CRX: variants seen among roughly 807,000 people sequenced by gnomAD.
The protein encoded by CRX is cone-rod homeobox, also known as cone-rod homeobox protein.
Under a neutral mutation model 13.1 loss-of-function variants are expected in CRX, and 5 were observed. The ratio of observed to expected loss-of-function variants is 0.38; its 90% CI spans 0.20 to 0.80. The LOEUF (loss-of-function observed/expected upper bound fraction) is 0.80, where lower values mean the gene tolerates loss of function less well. CRX is among the 30% of genes least tolerant of loss of function. The pLI is 0.43. For missense variants in CRX, 351 were observed against 391.8 expected, an observed-to-expected ratio of 0.90 and a Z score of 0.88; for synonymous variants, 179 against 171.1, an observed-to-expected ratio of 1.05 and a Z score of -0.36.
At chr19:47,834,020 A>T (rs1464700523) in intron 1 of CRX, among the ~76,000 whole-genome samples, 1 of 148,808 alleles carries the variant, frequency 6.7e-6, no homozygotes, top group Non-Finnish European at 1.5e-5. Context: ...TTTAAGAGAC[A>T]GGGTCTTGCT....
rs1464741171 is a variant in CRX at position 47,832,292 on chromosome 19, G to C, written c.-35-2117G>C. On this transcript the variant is annotated intron_variant, in intron 1 of 3. Coordinates refer to ENST00000221996, the MANE Select transcript of CRX (RefSeq NM_000554.6). ...GGCTAATTTTTGTATTTTCTGCAGA[G>C]ACGGGGTTTCACCATGTTGGCCAGG... 2.3e-5 allele frequency among the ~76,000 whole-genome samples: 3 copies of C among 133,258 alleles called. No homozygotes were observed. In the South Asian group the frequency reaches 6.8e-4, roughly 30 times the overall value. The allele number at this position is 133,258 out of a possible 152,430, so 87.4% of individuals were successfully genotyped here.
intron 2 of CRX, among the ~76,000 whole-genome samples, chr19:47,835,530 G>A (rs1363831781): frequency 6.1e-5 from 9 of 148,722 alleles, no homozygotes; most frequent in African/African-American, 1.5e-4. Context: ...GATTACAGGC[G>A]CACACCACCA....
chr19:47,831,435 C>G (rs775280953), intron 1 of CRX, among the ~76,000 whole-genome samples: 1 of 152,138 alleles, frequency 6.6e-6, no homozygotes, highest in African/African-American at 2.4e-5. Flanking sequence ...GCATTACTGC[C>G]TGAGCCCCGC....
chr19:47,827,342 G>A (rs1967985348), intron 1 of CRX, among the ~76,000 whole-genome samples: 1 of 151,596 alleles, frequency 6.6e-6, no homozygotes, highest in Non-Finnish European at 1.5e-5. Flanking sequence ...TGGAGACCCT[G>A]TCTTGCTCAG....
Position 47,840,085 on chromosome 19 carries a change from C to A in CRX, c.*118C>A, listed in dbSNP as rs543729483. On this transcript the variant is annotated 3_prime_UTR_variant, in exon 4 of 4. Coordinates refer to ENST00000221996, the MANE Select transcript of CRX (RefSeq NM_000554.6). ...TGAGAAAGCAACCCGAACCAGCTGT[C>A]CTTCTGACAGCTCGGTGTTCAGCTT... 820 of 1,211,318 alleles carry A rather than the reference C, an allele frequency of 6.8e-4. 6 individuals carry two copies. The highest frequency in any genetic ancestry group is 3.6e-3 in the South Asian group (284 of 78,508). 75.0% of individuals were successfully genotyped at this position (1,211,318 alleles called of 1,614,324 possible).
At chr19:47,834,214 A>T (rs1968088520) in intron 1 of CRX, among the ~76,000 whole-genome samples, 195 bp from the exon 2 acceptor site, 1 of 152,188 alleles carries the variant, frequency 6.6e-6, no homozygotes, top group African/African-American at 2.4e-5. Flanking sequence ...TGCTTTGCAG[A>T]GTCTCAAGAA....
intron 1 of CRX, among the ~76,000 whole-genome samples, chr19:47,832,302 C>T (rs1968061072): frequency 6.6e-6 from 1 of 150,718 alleles, no homozygotes; most frequent in African/African-American, 2.5e-5. Flanking sequence ...GACGGGGTTT[C>T]ACCATGTTGG....
rs183116235 is a variant in CRX, at chr19:47,834,696, G to C, written c.100+153G>C. On this transcript the variant is annotated intron_variant, in intron 2 of 3. Coordinates refer to ENST00000221996, the MANE Select transcript of CRX (RefSeq NM_000554.6). ...GTTCATCTGAAATGTATGTCACTTA[G>C]AAAAACATTAGCAGTCCTAGAAATT... 2.5e-3 allele frequency among the ~76,000 whole-genome samples: 384 copies of C among 152,330 alleles called. 1 individual carries two copies. The highest frequency in any genetic ancestry group is 4.6e-3 in the Non-Finnish European group (312 of 68,028).
chr19:47,839,364 G>A lies in CRX; in HGVS notation c.297G>A (p.Gln99=), dbSNP rs1433889196. ...GGGCTAAATGCAGGCAGCAGCGACA[G>A]CAGCAGAAACAGCAGCAGCAGCCCC... ...NRRAKCRQQR[Q]QQKQQQQPPG... Residue 99 remains glutamine, a synonymous_variant, in exon 4 of 4, where the codon CAG becomes CAA. Transcript: ENST00000221996. The surrounding 1 kb of genome is among the most constrained non-coding windows in gnomAD (Gnocchi z 4.6). The A allele has an allele frequency of 1.2e-6, 2 of 1,613,568 alleles. No individual in the cohort carries two copies. The highest frequency in any genetic ancestry group is 3.3e-5 in the Admixed American group (2 of 59,964).
At chr19:47,835,653 TG>T (rs1968109269) in intron 2 of CRX, among the ~76,000 whole-genome samples, 1 of 146,330 alleles carries the variant, frequency 6.8e-6, no homozygotes, top group African/African-American at 2.6e-5. Flanking sequence ...GACCGAGCCT[TG>T]TTCTGTTACC....
At position 47,834,436 on chromosome 19, in the gene CRX, C is replaced by G. The variant is rs371111993; in HGVS notation, c.-8C>G. ...CCCCTGACTTGGGCCTCAGTGTCCC[C>G]GAAGATCATGATGGCGTATATGAAC... On this transcript the variant is annotated 5_prime_UTR_variant, in exon 2 of 4. Transcript: ENST00000221996. The G allele has an allele frequency of 2.5e-6, 4 of 1,612,204 alleles. No individual in the cohort carries two copies. The highest frequency in any genetic ancestry group is 3.4e-6 in the Non-Finnish European group (4 of 1,178,288).
chr19:47,832,464 C>T (rs1968063921), intron 1 of CRX, among the ~76,000 whole-genome samples: 2 of 151,780 alleles, frequency 1.3e-5, no homozygotes, highest in African/African-American at 4.8e-5. Flanking sequence ...TATGTTGCCA[C>T]CTGAACATAA....
In CRX at chr19:47,839,393, G is replaced by C. The variant is rs1216141985; in HGVS notation, c.326G>C (p.Gly109Ala). Residue 109 changes from glycine to alanine, a missense_variant, in exon 4 of 4, where the codon GGG becomes GCG. Physicochemically the swap from Gly to Ala is moderately conservative, Grantham distance 60 (BLOSUM62 0). Around this residue, in one of 3 missense-constraint regions of CRX, gnomAD observed 253 missense variants for 268.3 expected, o/e 0.94. Coordinates refer to ENST00000221996, the MANE Select transcript of CRX (RefSeq NM_000554.6). This position sits in a 1 kb window ranked among gnomAD's most constrained non-coding sequence, Gnocchi z 4.6. ...QQQKQQQQPP[G>A]GQAKARPAKR... ...CAGAAACAGCAGCAGCAGCCCCCAG[G>C]GGGCCAGGCCAAGGCCCGGCCTGCC... 6.2e-7 allele frequency: 1 copy of C among 1,613,634 alleles called. No individual in the cohort carries two copies. Among genetic ancestry groups the C allele is most frequent in the African/African-American group, 1.3e-5 (1 of 75,000 alleles).
At chr19:47,825,765 C>CAAAAAAAAA (rs774130693) in intron 1 of CRX, among the ~76,000 whole-genome samples, 2 of 143,496 alleles carry the variant, frequency 1.4e-5, no homozygotes. Context: ...ACTAAAAATA[C>CAAAAAAAAA]AAAAAAAAAA....
At position 47,839,418 on chromosome 19, in the gene CRX, C is replaced by T; in HGVS notation, c.351C>T (p.Ala117=). The part of the protein sequence containing the change: ...PPGGQAKARP[A]KRKAGTSPRP... Reference sequence around the variant, plus strand: ...GGGGCCAGGCCAAGGCCCGGCCTGCCAAGAGGAAGGCGGGCACGTCCCCAA... The same window carrying T: ...GGGGCCAGGCCAAGGCCCGGCCTGCTAAGAGGAAGGCGGGCACGTCCCCAA... The change falls in exon 4 of 4, where the codon GCC becomes GCT. Residue 117 remains alanine, a synonymous_variant. Coordinates refer to ENST00000221996, the MANE Select transcript of CRX (RefSeq NM_000554.6). The surrounding 1 kb of genome is among the most constrained non-coding windows in gnomAD (Gnocchi z 4.6). The T allele has an allele frequency of 6.2e-7, 1 of 1,613,842 alleles. No individual in the cohort carries two copies. The highest frequency in any genetic ancestry group is 8.5e-7 in the Non-Finnish European group (1 of 1,179,864).
chr19:47,831,306 CAAAAAA>C (rs5828320), intron 1 of CRX, among the ~76,000 whole-genome samples: 1 of 78,576 alleles, frequency 1.3e-5, no homozygotes, highest in African/African-American at 4.7e-5. Flanking sequence ...GACTCTGTCT[CAAAAAA>C]AAAAAAAAAA....
chr19:47,833,997 CT>C (rs72027184), intron 1 of CRX, among the ~76,000 whole-genome samples: 25,093 of 142,258 alleles, frequency 0.18, 2,315 homozygotes, highest in Middle Eastern at 0.25. Flanking sequence ...TTAAAGAACA[CT>C]TTTTTTTTTT....
rs747167744 is a variant in CRX at position 47,834,495 on chromosome 19, C to T, written c.52C>T (p.Leu18=). The T allele has an allele frequency of 1.1e-5, 18 of 1,614,050 alleles. No homozygotes were observed. Among genetic ancestry groups the T allele is most frequent in the South Asian group, 7.7e-5 (7 of 91,082 alleles). ...CCACTATTCTGTCAACGCCTTGGCC[C>T]TAAGTGGCCCCAGTGTGGATCTGAT... The part of the protein sequence containing the change: ...GPHYSVNALA[L]SGPSVDLMHQ... Residue 18 remains leucine, a synonymous_variant, in exon 2 of 4, where the codon CTA becomes TTA. Coordinates refer to ENST00000221996, the MANE Select transcript of CRX (RefSeq NM_000554.6).
At chr19:47,836,083 C>T (rs1817126852) in intron 2 of CRX, among the ~76,000 whole-genome samples, 160 bp from the exon 3 acceptor site, 1 of 152,136 alleles carries the variant, frequency 6.6e-6, no homozygotes, top group African/African-American at 2.4e-5. Flanking sequence ...CACAGAGTGC[C>T]AGGCACACAG....
Sources: allele counts gnomAD v4.1 joint callset (sites outside exome capture counted in the v4.1 genomes callset), GRCh38; gene constraint gnomAD v4.1.1; regional missense constraint gnomAD v4.1.1; non-coding constraint Gnocchi (gnomAD v3.1); transcripts MANE v1.5; gene names NCBI Gene and HGNC (gene_info 2026-07-23, HGNC 2026-07-21).